The following LYST variants were observed in gnomAD, a reference collection of about 807,000 sequenced individuals.
LYST encodes lysosomal trafficking regulator.
In LYST, 192 loss-of-function variants were observed where a neutral mutation model predicts 413.6. The ratio of observed to expected loss-of-function variants is 0.46; its 90% confidence interval spans 0.41 to 0.52. The LOEUF (loss-of-function observed/expected upper bound fraction) is 0.52, where lower values mean the gene tolerates loss of function less well. Ranked by LOEUF, LYST falls within the 20% of genes least tolerant of loss-of-function variation. The probability of loss-of-function intolerance (pLI) is 0.00; values close to 1 mark genes in which losing one functional copy is unlikely to be tolerated. For synonymous variants in LYST, 1,525 were observed against 1,567.3 expected (o/e 0.97, Z 0.64); for missense variants, 3,815 against 4,499.9 (o/e 0.85, Z 4.35).
chr1:235,726,122 A>T (rs556682168), intron 38 of LYST, among the ~76,000 whole-genome samples: 1 of 152,240 alleles, frequency 6.6e-6, no homozygotes, highest in Non-Finnish European at 1.5e-5. Flanking sequence ...TTTTTAAATC[A>T]GTTTTTTTCC....
In LYST at chr1:235,808,821, C is replaced by T. The variant is rs1673142906; in HGVS notation, c.1997G>A (p.Ser666Asn). 1.2e-6 allele frequency: 2 copies of T among 1,614,054 alleles called. No individual in the cohort carries two copies. Among genetic ancestry groups the T allele is most frequent in the East Asian group, 2.2e-5 (1 of 44,874 alleles). Residue 666 changes from serine to asparagine, a missense_variant, in exon 5 of 53, where the codon AGT becomes AAT. Physicochemically the swap from Ser to Asn is conservative, Grantham distance 46. Transcript: ENST00000389793. The stretch of plus-strand genomic sequence containing the variant: ...AAATCTGTAAGAAGGACTGGATAAA[C>T]TTGAGGAGAGTTCAGCATCACATAA... ...GNLCDAELSS[S>N]LSSPSYRFQG...
At chr1:235,780,831 C>CTATAAAATTAAAATT (rs1160811769) in intron 16 of LYST, 34 bp downstream of exon 16, 3 of 891,302 alleles carry the variant, frequency 3.4e-6, no homozygotes, top group African/African-American at 3.4e-5. Flanking sequence ...AATACATTTA[C>CTATAAAATTAAAATT]TATAAAATTA....
chr1:235,755,941 G>C (rs1446357053), intron 24 of LYST, among the ~76,000 whole-genome samples: 2 of 152,006 alleles, frequency 1.3e-5, no homozygotes, highest in African/African-American at 4.8e-5. Context: ...AGTATAAATA[G>C]AATATTTGTA....
chr1:235,764,733 C>T (rs1156236182), intron 21 of LYST, among the ~76,000 whole-genome samples: 1 of 151,730 alleles, frequency 6.6e-6, no homozygotes, highest in Non-Finnish European at 1.5e-5. Flanking sequence ...GAACTCCTGA[C>T]CTCAGGTAAT....
At chr1:235,687,207 G>A (rs990996457) in intron 47 of LYST, among the ~76,000 whole-genome samples, 160 bp from the exon 48 acceptor site, 7 of 151,986 alleles carry the variant, frequency 4.6e-5, no homozygotes, top group African/African-American at 1.5e-4. Flanking sequence ...AAACAGAAAC[G>A]TGTCAGATAT....
At position 235,810,485 on chromosome 1, in the gene LYST, G is replaced by A. The variant is rs369494275; in HGVS notation, c.333C>T (p.Asn111=). ...CCTGAGTGGATCTTTGTGAACTTGA[G>A]TTCTTTTCTTTGGTCAGGATTATAT... ...SADIILTKEK[N]SSSQRSTQEK... The change falls in exon 5 of 53, where the codon AAC becomes AAT. Residue 111 remains asparagine (N), a synonymous_variant. Coordinates refer to ENST00000389793, the MANE Select transcript of LYST (RefSeq NM_000081.4). 5.6e-5 allele frequency: 90 copies of A among 1,611,284 alleles called. No homozygotes were observed. Among genetic ancestry groups the A allele is most frequent in the Non-Finnish European group, 7.0e-5 (83 of 1,179,378 alleles).
intron 1 of LYST, among the ~76,000 whole-genome samples, chr1:235,840,522 G>A (rs1383585650): frequency 6.6e-6 from 1 of 152,190 alleles, no homozygotes; most frequent in Non-Finnish European, 1.5e-5. Context: ...TATAGAGTTT[G>A]TCTAGGCCCC....
chr1:235,735,881 G>GA (rs1420529614), intron 31 of LYST: 3 of 152,218 alleles, frequency 2.0e-5, no homozygotes, highest in African/African-American at 7.2e-5. Context: ...AAAATGAACA[G>GA]AAGCTCTGTG....
At chr1:235,729,987 C>A (rs574259691) in intron 36 of LYST, among the ~76,000 whole-genome samples, 1 of 152,028 alleles carries the variant, frequency 6.6e-6, no homozygotes, top group South Asian at 2.1e-4. Context: ...ACTTCAGATA[C>A]ATTTTTTGTG....
chr1:235,848,451 T>TCA (rs1262018970), intron 1 of LYST, among the ~76,000 whole-genome samples: 3 of 151,636 alleles, frequency 2.0e-5, no homozygotes, highest in African/African-American at 7.3e-5. Context: ...CAATCTAAGG[T>TCA]CACACCTCAA....
intron 16 of LYST, 93 bp from the exon 17 acceptor site, chr1:235,777,401 C>A: frequency 2.0e-6 from 2 of 1,022,794 alleles, no homozygotes; most frequent in South Asian, 1.3e-5. Context: ...AAAACACACT[C>A]AACTGATCCT....
At chr1:235,848,060 C>T (rs553716507) in intron 1 of LYST, among the ~76,000 whole-genome samples, 248 of 152,228 alleles carry the variant, frequency 1.6e-3, no homozygotes, top group African/African-American at 5.7e-3. Flanking sequence ...GACATTTCAT[C>T]CAACAACTGC....
chr1:235,701,282 A>G (rs1192843382), intron 45 of LYST, among the ~76,000 whole-genome samples: 1 of 152,220 alleles, frequency 6.6e-6, no homozygotes, highest in African/African-American at 2.4e-5. Context: ...TAGTAAATTA[A>G]ATGGCATTTA....
At chr1:235,707,263 T>C (rs1483890953) in intron 44 of LYST, among the ~76,000 whole-genome samples, 1 of 152,126 alleles carries the variant, frequency 6.6e-6, no homozygotes. Flanking sequence ...CCTAGCAAAA[T>C]AAATGTTTCC....
intron 2 of LYST, among the ~76,000 whole-genome samples, chr1:235,833,201 T>TAA (rs1676188817): frequency 6.6e-6 from 1 of 151,422 alleles, no homozygotes; most frequent in African/African-American, 2.4e-5. Flanking sequence ...ATATTGAATT[T>TAA]AATTGAATGA....
chr1:235,727,422 C>T (rs897502573), intron 38 of LYST, among the ~76,000 whole-genome samples: 1 of 151,916 alleles, frequency 6.6e-6, no homozygotes, highest in East Asian at 1.9e-4. Context: ...CTGCACCCAG[C>T]CTAATTTATT....
At chr1:235,827,394 A>C (rs1648990916) in intron 3 of LYST, 12 of 972,726 alleles carry the variant, frequency 1.2e-5, no homozygotes, top group Non-Finnish European at 1.5e-5. Flanking sequence ...AATATTAATA[A>C]AGCAAACGGA....
intron 14 of LYST, among the ~76,000 whole-genome samples, chr1:235,786,252 A>C (rs1012720203): frequency 7.9e-5 from 12 of 152,198 alleles, no homozygotes; most frequent in African/African-American, 1.7e-4. Flanking sequence ...ATTTTGCATG[A>C]AAATGACCAA....
chr1:235,715,888 G>T (rs1300347771), intron 41 of LYST, among the ~76,000 whole-genome samples: 1 of 151,764 alleles, frequency 6.6e-6, no homozygotes, highest in Non-Finnish European at 1.5e-5. Flanking sequence ...AAAGAATATG[G>T]TGATTTTTCA....
Sources: gnomAD v4.1 joint callset for allele counts (sites outside exome capture counted in the v4.1 genomes callset) on GRCh38, gnomAD v4.1.1 for gene constraint, MANE v1.5 for transcripts, NCBI Gene and HGNC (gene_info 2026-07-23, HGNC 2026-07-21) for gene names.